The following MRPS31 variants were observed in gnomAD, a reference collection of about 807,000 sequenced individuals.
The protein encoded by MRPS31 is small ribosomal subunit protein mS31.
Under a neutral mutation model 43.1 loss-of-function variants are expected in MRPS31, and 32 were observed. The ratio of observed to expected loss-of-function variants is 0.74; its 90% confidence interval spans 0.56 to 1.00. The LOEUF (loss-of-function observed/expected upper bound fraction) is 1.00, where lower values mean the gene tolerates loss of function less well. Among genes scored for constraint, MRPS31 ranks in the 50% least tolerant of loss-of-function variants. The pLI is 0.00. For synonymous variants in MRPS31, 165 were observed against 161.6 expected (o/e 1.02, Z -0.16); for missense variants, 437 against 466.7 (o/e 0.94, Z 0.59).
At chr13:40,758,134 CT>C in intron 3 of MRPS31, among the ~76,000 whole-genome samples, 2 of 146,616 alleles carry the variant, frequency 1.4e-5, no homozygotes, top group Middle Eastern at 6.8e-3. Context: ...CAGAGCGAGA[CT>C]CCGTCTCAAA....
chr13:40,757,845 T>TC (rs1435325859), intron 3 of MRPS31, among the ~76,000 whole-genome samples: 10 of 150,130 alleles, frequency 6.7e-5, no homozygotes, highest in Non-Finnish European at 4.4e-5. Flanking sequence ...ACCCTGGACT[T>TC]AAGTGATCCT....
chr13:40,752,845 C>G (rs1228661917), intron 5 of MRPS31, among the ~76,000 whole-genome samples: 1 of 151,984 alleles, frequency 6.6e-6, no homozygotes, highest in East Asian at 1.9e-4. Flanking sequence ...CTCCAGTGAT[C>G]CTGCCACTTC....
At chr13:40,729,927 G>A (rs950464267) in intron 6 of MRPS31, among the ~76,000 whole-genome samples, 2 of 151,396 alleles carry the variant, frequency 1.3e-5, no homozygotes, top group Non-Finnish European at 2.9e-5. Context: ...ACAGGGTTTC[G>A]CCATGTTGGC....
intron 6 of MRPS31, among the ~76,000 whole-genome samples, chr13:40,736,953 G>A (rs1879930233): frequency 6.6e-6 from 1 of 150,902 alleles, no homozygotes; most frequent in Non-Finnish European, 1.5e-5. Context: ...AATGTAAATG[G>A]ACTAAATGCT....
chr13:40,738,641 A>C (rs1879993935), intron 6 of MRPS31, among the ~76,000 whole-genome samples: 1 of 152,206 alleles, frequency 6.6e-6, no homozygotes, highest in Non-Finnish European at 1.5e-5. Flanking sequence ...AATATACGCA[A>C]ATCAATAAAT....
At chr13:40,753,594 A>G (rs1880450591) in intron 5 of MRPS31, among the ~76,000 whole-genome samples, 1 of 152,196 alleles carries the variant, frequency 6.6e-6, no homozygotes, top group Admixed American at 6.5e-5. Context: ...CATGGTGCCT[A>G]GCTGAGGAGC....
chr13:40,750,519 T>G (rs183409008), intron 5 of MRPS31, among the ~76,000 whole-genome samples: 4 of 152,176 alleles, frequency 2.6e-5, no homozygotes, highest in African/African-American at 9.6e-5. Flanking sequence ...ATATGCAATC[T>G]GTTGCACACA....
chr13:40,752,375 T>C (rs535505545), intron 5 of MRPS31: 1 of 152,204 alleles, frequency 6.6e-6, no homozygotes, highest in East Asian at 1.9e-4. Flanking sequence ...GAAGAGGCGA[T>C]TCCTTGTCCC....
Position 40,766,148 on chromosome 13 carries a change from T to C in MRPS31, c.440+598A>G, listed in dbSNP as rs1593279497. Among the ~76,000 whole-genome samples the C allele has an allele frequency of 5.9e-5, 9 of 152,360 alleles. 3 individuals are homozygous for C. The highest frequency in any genetic ancestry group is 5.9e-4 in the Admixed American group (9 of 15,300). Reference sequence around the variant, plus strand: ...TTAACAGCTTAAAGAGGCAATTACATGGCAGTTAATAACACTGATAAATAT... The same window carrying C: ...TTAACAGCTTAAAGAGGCAATTACACGGCAGTTAATAACACTGATAAATAT... On this transcript the variant is annotated intron_variant, in intron 2 of 6. Coordinates refer to ENST00000323563, the MANE Select transcript of MRPS31 (RefSeq NM_005830.4).
intron 1 of MRPS31, chr13:40,770,690 C>A (rs1880981662): frequency 5.2e-6 from 2 of 382,444 alleles, no homozygotes; most frequent in Non-Finnish European, 9.8e-6. Context: ...TGAAGGAAAA[C>A]AAATGAGACT....
intron 5 of MRPS31, among the ~76,000 whole-genome samples, chr13:40,750,617 T>G (rs1258426491): frequency 6.6e-6 from 1 of 151,690 alleles, no homozygotes; most frequent in Non-Finnish European, 1.5e-5. Flanking sequence ...TATTCTTTAG[T>G]TATTTTACCA....
chr13:40,729,466 C>T lies in MRPS31; in HGVS notation c.1094G>A (p.Ser365Asn), dbSNP rs201924592. Residue 365 changes from serine to asparagine, a missense_variant, in exon 7 of 7, where the codon AGT (serine) becomes AAT (asparagine). Coordinates refer to ENST00000323563, the MANE Select transcript of MRPS31 (RefSeq NM_005830.4). ...TCGLSKNPYL[S>N]VKQKVEHIEW... Reference sequence around the variant, plus strand: ...TATGTGTTCAACCTTCTGTTTAACACTAAGATATGGGTTTTTGGAAAGGCC... The same window carrying T: ...TATGTGTTCAACCTTCTGTTTAACATTAAGATATGGGTTTTTGGAAAGGCC... The T allele has an allele frequency of 8.8e-5, 142 of 1,611,588 alleles. No homozygotes were observed. Among genetic ancestry groups the T allele is most frequent in the Non-Finnish European group, 4.5e-5 (53 of 1,178,068 alleles).
chr13:40,759,318 G>A (rs1179212136), intron 2 of MRPS31, among the ~76,000 whole-genome samples: 2 of 152,016 alleles, frequency 1.3e-5, no homozygotes, highest in African/African-American at 4.8e-5. Flanking sequence ...ACGCCTGTAA[G>A]TGCCGGCTAC....
chr13:40,759,620 A>C (rs1230356800), intron 2 of MRPS31, among the ~76,000 whole-genome samples: 1 of 152,216 alleles, frequency 6.6e-6, no homozygotes, highest in Non-Finnish European at 1.5e-5. Context: ...GTTTTATATA[A>C]ACTTTGAAAT....
At chr13:40,767,115 A>G in intron 1 of MRPS31, 82 bp from the exon 2 acceptor site, 1 of 1,137,050 alleles carries the variant, frequency 8.8e-7, no homozygotes, top group Non-Finnish European at 1.2e-6. Flanking sequence ...AATAAAGTAA[A>G]AAACTATGTA....
intron 4 of MRPS31, among the ~76,000 whole-genome samples, chr13:40,754,444 A>C (rs936886476): frequency 1.3e-5 from 2 of 152,240 alleles, no homozygotes; most frequent in African/African-American, 4.8e-5. Flanking sequence ...AGAAGCTGTT[A>C]AACTCAACAT....
intron 6 of MRPS31, chr13:40,731,394 C>G (rs1460613819): frequency 6.6e-6 from 1 of 151,896 alleles, no homozygotes; most frequent in East Asian, 1.9e-4. Flanking sequence ...CCAGCCTGGC[C>G]AACGTGGTGA....
intron 4 of MRPS31, among the ~76,000 whole-genome samples, chr13:40,755,286 G>A (rs1055691533): frequency 1.3e-5 from 2 of 152,086 alleles, no homozygotes; most frequent in South Asian, 2.1e-4. Flanking sequence ...TCCCTCAACC[G>A]CACGTCTGAT....
intron 6 of MRPS31, among the ~76,000 whole-genome samples, chr13:40,748,937 A>AT (rs1332433466): frequency 1.1e-4 from 16 of 152,110 alleles, no homozygotes; most frequent in African/African-American, 3.6e-4. Flanking sequence ...TTACTTCTTC[A>AT]TTTTTCCTTA....
Sources: allele counts gnomAD v4.1 joint callset (sites outside exome capture counted in the v4.1 genomes callset), GRCh38; gene constraint gnomAD v4.1.1; transcripts MANE v1.5; gene names NCBI Gene and HGNC (gene_info 2026-07-23, HGNC 2026-07-21).